Variants in EIF2D observed in about 807,000 individuals in gnomAD.
The protein encoded by EIF2D is hepatocellular carcinoma-associated antigen 56.
EIF2D carries 56 observed loss-of-function variants against 77.4 expected under a neutral mutation model. That is an observed-to-expected ratio of 0.72 (90% confidence interval 0.58 to 0.90). EIF2D has a LOEUF of 0.90. Among genes scored for constraint, EIF2D ranks in the 40% least tolerant of loss-of-function variants. The pLI, the probability that EIF2D is intolerant of heterozygous loss-of-function variation, is 0.00. For synonymous variants in EIF2D, 230 were observed against 271.0 expected, an observed-to-expected ratio of 0.85 and a Z score of 1.49; for missense variants, 574 against 706.5, an observed-to-expected ratio of 0.81 and a Z score of 2.13.
In EIF2D at chr1:206,593,614, C is replaced by T. The variant is rs1359941744; in HGVS notation, c.1684+5G>A. ...ATGCCTCCACTCTTCAGAGGGGATG[C>T]TCACCAAGCAATAGCCAGCCGAGGT... On this transcript the variant is annotated splice_donor_5th_base_variant and intron_variant, in intron 14 of 14. Coordinates refer to ENST00000271764, the MANE Select transcript of EIF2D (RefSeq NM_006893.3). The T allele has an allele frequency of 1.9e-6, 3 of 1,601,340 alleles. No homozygotes were observed. The highest frequency in any genetic ancestry group is 2.6e-6 in the Non-Finnish European group (3 of 1,170,846).
intron 2 of EIF2D, among the ~76,000 whole-genome samples, chr1:206,582,464 T>C (rs1222672980): frequency 6.6e-6 from 1 of 152,218 alleles, no homozygotes; most frequent in Non-Finnish European, 1.5e-5. Context: ...TAGTCTCACC[T>C]GTAAGATGGG....
chr1:206,595,105 G>A (rs1553409763), intron 13 of EIF2D: 1 of 152,172 alleles, frequency 6.6e-6, no homozygotes, highest in African/African-American at 2.4e-5. Context: ...GTGAGGCAAC[G>A]GCTGCATTTG....
chr1:206,574,968 T>G (rs574770590), intron 4 of EIF2D, among the ~76,000 whole-genome samples: 12 of 151,708 alleles, frequency 7.9e-5, no homozygotes, highest in Admixed American at 2.0e-4. Flanking sequence ...CAAGCGATTC[T>G]TCCGCCTTAG....
chr1:206,581,553 C>T (rs1452555947), intron 2 of EIF2D, among the ~76,000 whole-genome samples: 2 of 151,296 alleles, frequency 1.3e-5, no homozygotes, highest in East Asian at 1.9e-4. Context: ...CAGCCAAGAT[C>T]GTGCCACTGC....
At chr1:206,611,519 C>T in intron 1 of EIF2D, 145 bp from the exon 2 acceptor site, 1 of 620,756 alleles carries the variant, frequency 1.6e-6, no homozygotes, top group Non-Finnish European at 2.8e-6. Flanking sequence ...CACACACACT[C>T]TTCTGAAACA....
At chr1:206,585,295 G>A (rs1669066676) in intron 2 of EIF2D, 1 of 1,612,758 alleles carries the variant, frequency 6.2e-7, no homozygotes, top group Non-Finnish European at 8.5e-7. Flanking sequence ...GAGAGGTAGA[G>A]GTAGGTCTGG....
At chr1:206,603,838 T>C (rs368797375) in intron 5 of EIF2D, among the ~76,000 whole-genome samples, 102 of 152,364 alleles carry the variant, frequency 6.7e-4, no homozygotes, top group African/African-American at 2.3e-3. Context: ...GCCAACATTA[T>C]GCAAATCAAA....
chr1:206,606,972 C>G (rs1176517307), intron 4 of EIF2D, among the ~76,000 whole-genome samples: 5 of 152,146 alleles, frequency 3.3e-5, no homozygotes, highest in Non-Finnish European at 7.4e-5. Context: ...AACAATTCTG[C>G]ATTTTAGTAT....
downstream of EIF2D, among the ~76,000 whole-genome samples, chr1:206,590,180 T>C (rs1669297857): frequency 6.6e-6 from 1 of 152,220 alleles, no homozygotes; most frequent in African/African-American, 2.4e-5. Context: ...AGAGGGAAGA[T>C]GACTCAATGC....
chr1:206,606,303 G>C (rs1553412704), intron 4 of EIF2D, among the ~76,000 whole-genome samples: 1 of 152,100 alleles, frequency 6.6e-6, no homozygotes, highest in Non-Finnish European at 1.5e-5. Flanking sequence ...TGTACCTATA[G>C]GTCAGTTCCT....
chr1:206,593,097 C>G (rs914971158), intron 14 of EIF2D, among the ~76,000 whole-genome samples: 1 of 136,374 alleles, frequency 7.3e-6, no homozygotes, highest in South Asian at 2.6e-4. Context: ...GGTGACAGAG[C>G]GAGATTCTGT....
At chr1:206,593,541 G>GTGTGTGTGTA in intron 14 of EIF2D, 78 bp downstream of exon 14, 2 of 1,098,824 alleles carry the variant, frequency 1.8e-6, no homozygotes, top group African/African-American at 1.5e-5. Flanking sequence ...GTGTGTGTGT[G>GTGTGTGTGTA]TATTATGCAA....
Position 206,605,455 on chromosome 1 carries a change from A to G in EIF2D, c.475T>C (p.Ser159Pro). ...GAGAAGCCCCTTCCCTTCAGGCCTG[A>G]CGTGAGCATCTCAGCTGTGGACATG... ...AAMSTAEMLT[S>P]GLKGRGFSVL... Residue 159 changes from serine to proline, a missense_variant, in exon 5 of 15, where the codon TCA (serine) becomes CCA (proline). By Grantham distance (74) the Ser-to-Pro change is moderately conservative. Transcript: ENST00000271764. The G allele has an allele frequency of 1.2e-6, 2 of 1,614,154 alleles. No individual in the cohort carries two copies. The highest frequency in any genetic ancestry group is 1.7e-6 in the Non-Finnish European group (2 of 1,180,006).
chr1:206,586,813 T>C, downstream of EIF2D: 1 of 1,608,856 alleles, frequency 6.2e-7, no homozygotes, highest in South Asian at 1.1e-5. Flanking sequence ...CAAATCTCCC[T>C]CTCGCCTCAC....
intron 2 of EIF2D, 29 bp from the exon 3 acceptor site, chr1:206,609,488 A>G: frequency 3.2e-6 from 5 of 1,583,420 alleles, no homozygotes; most frequent in Non-Finnish European, 4.3e-6. Flanking sequence ...AGAAAACACT[A>G]CTACCAAAAA....
chr1:206,572,425 A>T (rs1202278399), intron 5 of EIF2D, among the ~76,000 whole-genome samples: 3 of 152,186 alleles, frequency 2.0e-5, no homozygotes, highest in Non-Finnish European at 2.9e-5. Flanking sequence ...TTTACAGAAG[A>T]GCACATGGTG....
At chr1:206,605,115 A>G (rs1269540879) in intron 5 of EIF2D, 1 of 247,630 alleles carries the variant, frequency 4.0e-6, no homozygotes, top group Non-Finnish European at 7.8e-6. Context: ...CCAGGGCTAT[A>G]AAAAAACGAG....
rs533064373 is a variant in EIF2D at position 206,599,932 on chromosome 1, C to A, written c.949-96G>T. The A allele has an allele frequency of 3.2e-4, 391 of 1,213,946 alleles. 1 individual carries two copies. The highest frequency in any genetic ancestry group is 5.9e-5 in the Non-Finnish European group (50 of 848,228). The allele number at this position is 1,213,946 out of a possible 1,614,324, so 75.2% of individuals were successfully genotyped here. ...CAGAGTGAGCTAGGCAGGGACTGTG[C>A]AGGGATATGAGACAGCCCCTGCCTT... is the stretch of plus-strand genomic sequence containing the variant. On this transcript the variant is annotated intron_variant, in intron 8 of 14. Transcript: ENST00000271764. The surrounding 1 kb of genome is among the most constrained non-coding windows in gnomAD (Gnocchi z 4.1).
intron 4 of EIF2D, 112 bp from the exon 5 acceptor site, chr1:206,605,619 G>T: frequency 1.1e-6 from 1 of 871,188 alleles, no homozygotes; most frequent in Non-Finnish European, 1.8e-6. Context: ...CAATTCGAAG[G>T]TCTTGTATCA....
Sources: allele counts gnomAD v4.1 joint callset (sites outside exome capture counted in the v4.1 genomes callset), GRCh38; gene constraint gnomAD v4.1.1; non-coding constraint Gnocchi (gnomAD v3.1); transcripts MANE v1.5; gene names NCBI Gene and HGNC (gene_info 2026-07-23, HGNC 2026-07-21).